SLC39A11: variants seen among roughly 807,000 people sequenced by gnomAD.
SLC39A11 encodes zinc transporter ZIP11.
Under a neutral mutation model 36.1 loss-of-function variants are expected in SLC39A11, and 33 were observed. That is an observed-to-expected ratio of 0.91 (90% confidence interval 0.69 to 1.22). The LOEUF (loss-of-function observed/expected upper bound fraction) is 1.22. SLC39A11 is among the 50% of genes most tolerant of loss of function. The pLI is 0.00. For synonymous variants in SLC39A11, 166 were observed against 170.3 expected (o/e 0.97, Z 0.20); for missense variants, 432 against 430.3 (o/e 1.00, Z -0.03).
chr17:72,903,337 C>T (rs1453048543), intron 5 of SLC39A11, among the ~76,000 whole-genome samples: 1 of 151,182 alleles, frequency 6.6e-6, no homozygotes, highest in Non-Finnish European at 1.5e-5. Flanking sequence ...AAAACAAGTT[C>T]TTCTTCTTGG....
intron 4 of SLC39A11, among the ~76,000 whole-genome samples, chr17:72,984,553 A>T (rs1174150610): frequency 1.3e-5 from 2 of 152,230 alleles, no homozygotes; most frequent in Non-Finnish European, 2.9e-5. Context: ...CAAGGCCAGC[A>T]GCATCAGCAA....
chr17:73,056,920 G>A (rs79805350), intron 3 of SLC39A11, among the ~76,000 whole-genome samples: 2,026 of 152,256 alleles, frequency 0.013, 38 homozygotes, highest in African/African-American at 0.045. Flanking sequence ...AGGCACATTA[G>A]AAAAGGAAGA....
chr17:72,924,995 C>T (rs2083950106), intron 5 of SLC39A11, among the ~76,000 whole-genome samples: 1 of 134,446 alleles, frequency 7.4e-6, no homozygotes, highest in South Asian at 2.3e-4. Context: ...GAGTGAGACT[C>T]CATTTCAAAA....
At chr17:72,753,225 G>A (rs139657338) in intron 6 of SLC39A11, among the ~76,000 whole-genome samples, 210 of 152,254 alleles carry the variant, frequency 1.4e-3, no homozygotes, top group African/African-American at 4.7e-3. Context: ...TTCAGCATTA[G>A]GTGGTCTTTT....
chr17:72,980,094 C>T (rs995584985), intron 4 of SLC39A11, among the ~76,000 whole-genome samples: 1 of 152,100 alleles, frequency 6.6e-6, no homozygotes. Context: ...CCAACAATAG[C>T]GGGACCCAGG....
chr17:73,071,385 C>T (rs1043938574), intron 3 of SLC39A11, among the ~76,000 whole-genome samples: 1 of 152,192 alleles, frequency 6.6e-6, no homozygotes, highest in Non-Finnish European at 1.5e-5. Context: ...GCAAAGCCAG[C>T]CCCTGAAGAT....
At chr17:72,784,792 A>C (rs1460496968) in intron 6 of SLC39A11, among the ~76,000 whole-genome samples, 2 of 151,744 alleles carry the variant, frequency 1.3e-5, no homozygotes, top group Non-Finnish European at 2.9e-5. Flanking sequence ...AGCTGAGCAG[A>C]TATCAGCACC....
chr17:73,018,202 A>G (rs949123433), intron 4 of SLC39A11, among the ~76,000 whole-genome samples: 4 of 152,210 alleles, frequency 2.6e-5, no homozygotes, highest in African/African-American at 7.2e-5. Flanking sequence ...AGATGACTAA[A>G]TCTAGTCTCT....
intron 4 of SLC39A11, among the ~76,000 whole-genome samples, chr17:72,987,649 A>T (rs1442831852): frequency 6.6e-6 from 1 of 152,220 alleles, no homozygotes; most frequent in Non-Finnish European, 1.5e-5. Context: ...CAATCTCTGG[A>T]AAATAAGAAA....
At chr17:72,860,227 T>G (rs75610916) in intron 5 of SLC39A11, among the ~76,000 whole-genome samples, 2,599 of 152,056 alleles carry the variant, frequency 0.017, 78 homozygotes, top group African/African-American at 0.059. Flanking sequence ...CCTGCTAGTT[T>G]GCTAGTCTCG....
At chr17:73,070,710 T>C (rs1168519754) in intron 3 of SLC39A11, among the ~76,000 whole-genome samples, 1 of 152,084 alleles carries the variant, frequency 6.6e-6, no homozygotes, top group Non-Finnish European at 1.5e-5. Flanking sequence ...AATTAAATCA[T>C]GAGGGCGGGC....
intron 4 of SLC39A11, among the ~76,000 whole-genome samples, chr17:72,949,413 G>A (rs1034315251): frequency 1.3e-5 from 2 of 151,632 alleles, no homozygotes; most frequent in African/African-American, 4.8e-5. Context: ...CACCTGCCTC[G>A]GCCTCCCAAA....
chr17:72,882,950 T>C (rs1598266177), intron 5 of SLC39A11, among the ~76,000 whole-genome samples: 2 of 151,880 alleles, frequency 1.3e-5, no homozygotes, highest in South Asian at 2.1e-4. Context: ...GTGTGTGCCA[T>C]GACACCTGGC....
At chr17:72,755,943 A>G (rs2075353490) in intron 6 of SLC39A11, among the ~76,000 whole-genome samples, 1 of 152,228 alleles carries the variant, frequency 6.6e-6, no homozygotes, top group Non-Finnish European at 1.5e-5. Flanking sequence ...GAGGGGAATG[A>G]GCCAAAGGTT....
intron 3 of SLC39A11, among the ~76,000 whole-genome samples, chr17:73,052,500 T>C (rs1382237844): frequency 6.6e-6 from 1 of 152,086 alleles, no homozygotes; most frequent in Admixed American, 6.6e-5. Context: ...GGAAGGCCAG[T>C]AGCCAACTAA....
chr17:72,943,260 C>T (rs1164608507), intron 5 of SLC39A11, among the ~76,000 whole-genome samples: 3 of 152,172 alleles, frequency 2.0e-5, no homozygotes, highest in African/African-American at 7.2e-5. Flanking sequence ...AGACCATTTC[C>T]ACAGGAAGAG....
rs76665373 is a variant in SLC39A11, at chr17:72,893,821, G to A, written c.431-44017C>T. Among the ~76,000 whole-genome samples, 4 of 152,282 alleles carry A rather than the reference G, an allele frequency of 2.6e-5. No individual in the cohort carries two copies. The East Asian group carries it at 5.8e-4, about 22-fold the overall frequency. Reference sequence around the variant, plus strand: ...CCAAGGAGGCTGGATAAGTCCCATTGTTGGAGAGAAAGTTAGTGAGTTCTC... The same window carrying A: ...CCAAGGAGGCTGGATAAGTCCCATTATTGGAGAGAAAGTTAGTGAGTTCTC... On this transcript the variant is annotated intron_variant, in intron 5 of 9. Transcript: ENST00000255559.
chr17:72,784,172 C>G (rs1443746889), intron 6 of SLC39A11, among the ~76,000 whole-genome samples: 3 of 152,214 alleles, frequency 2.0e-5, no homozygotes, highest in Non-Finnish European at 2.9e-5. Context: ...CGGTGAAACC[C>G]TGTCTCTACT....
chr17:72,999,406 A>T (rs1014471225), intron 4 of SLC39A11, among the ~76,000 whole-genome samples: 1 of 152,234 alleles, frequency 6.6e-6, no homozygotes, highest in Non-Finnish European at 1.5e-5. Context: ...AGGCCCTTTC[A>T]GTCCAGGAAT....
Sources: allele counts gnomAD v4.1 joint callset (sites outside exome capture counted in the v4.1 genomes callset), GRCh38; gene constraint gnomAD v4.1.1; transcripts MANE v1.5; gene names NCBI Gene and HGNC (gene_info 2026-07-23, HGNC 2026-07-21).